ANKRD6: variants seen among roughly 807,000 people sequenced by gnomAD.
ANKRD6 encodes ankyrin repeat domain-containing protein 6.
Under a neutral mutation model 82.3 loss-of-function variants are expected in ANKRD6, and 56 were observed. That is an observed-to-expected ratio of 0.68 (90% CI 0.55 to 0.85). The LOEUF is 0.85. Among genes scored for constraint, ANKRD6 ranks in the 40% least tolerant of loss-of-function variants. ANKRD6 has a pLI of 0.00. For synonymous variants in ANKRD6, 347 were observed against 352.1 expected, an observed-to-expected ratio of 0.99 and a Z score of 0.16; for missense variants, 852 against 907.6, an observed-to-expected ratio of 0.94 and a Z score of 0.79.
At chr6:89,568,280 G>A (rs1399292142) in intron 2 of ANKRD6, 1 of 152,220 alleles carries the variant, frequency 6.6e-6, no homozygotes, top group Non-Finnish European at 1.5e-5. Context: ...AATTGTGCAA[G>A]TTGCTTAACT....
chr6:89,480,698 G>A (rs1343441594), intron 1 of ANKRD6, among the ~76,000 whole-genome samples: 1 of 151,040 alleles, frequency 6.6e-6, no homozygotes, highest in Non-Finnish European at 1.5e-5. Context: ...GGCACTTTGG[G>A]AGGCCAAGGC....
At chr6:89,528,456 C>T (rs992196854) in intron 1 of ANKRD6, among the ~76,000 whole-genome samples, 8 of 152,210 alleles carry the variant, frequency 5.3e-5, no homozygotes, top group African/African-American at 1.9e-4. Flanking sequence ...TCTTCAGGCT[C>T]CACTTCTAAT....
chr6:89,595,845 A>T (rs1795771775), intron 2 of ANKRD6, 71 bp from the exon 3 acceptor site: 2 of 1,265,084 alleles, frequency 1.6e-6, no homozygotes, highest in Non-Finnish European at 2.3e-6. Context: ...ACCTTGCTCT[A>T]GGCCCTCTGT....
chr6:89,456,800 A>T (rs1773561808), intron 1 of ANKRD6, among the ~76,000 whole-genome samples: 7 of 152,224 alleles, frequency 4.6e-5, no homozygotes, highest in Admixed American at 4.6e-4. Context: ...ATTGAAGATT[A>T]GCCTGGATTA....
At chr6:89,467,218 A>G (rs1002586727) in intron 1 of ANKRD6, among the ~76,000 whole-genome samples, 5 of 151,158 alleles carry the variant, frequency 3.3e-5, no homozygotes, top group African/African-American at 1.2e-4. Context: ...AACTTTGTTA[A>G]ATTAAGGTTG....
chr6:89,483,820 A>G (rs985174400), intron 1 of ANKRD6, among the ~76,000 whole-genome samples: 1 of 152,220 alleles, frequency 6.6e-6, no homozygotes, highest in African/African-American at 2.4e-5. Flanking sequence ...ACAAGGTTCA[A>G]AGGACTTTTT....
chr6:89,474,106 AAAAACAAAACAAAAC>A (rs61656053), intron 1 of ANKRD6, among the ~76,000 whole-genome samples: 47 of 150,450 alleles, frequency 3.1e-4, no homozygotes, highest in Non-Finnish European at 3.7e-4. Context: ...CCTGTCTCAA[AAAAACAAAACAAAAC>A]AAAACAAAAC....
intron 2 of ANKRD6, among the ~76,000 whole-genome samples, chr6:89,572,656 A>G (rs1167261799): frequency 1.3e-5 from 2 of 152,060 alleles, no homozygotes; most frequent in South Asian, 2.1e-4. Flanking sequence ...TTTGGATCTT[A>G]TATTTAGGTT....
intron 1 of ANKRD6, among the ~76,000 whole-genome samples, chr6:89,453,995 G>A (rs569156855): frequency 3.3e-5 from 5 of 152,018 alleles, no homozygotes; most frequent in Admixed American, 6.6e-5. Flanking sequence ...TAGAGACGGA[G>A]TTTCACCATT....
intron 1 of ANKRD6, among the ~76,000 whole-genome samples, chr6:89,455,126 G>A (rs995420114): frequency 1.3e-5 from 2 of 151,192 alleles, no homozygotes; most frequent in African/African-American, 4.9e-5. Flanking sequence ...TTACAGGTGT[G>A]AGCCACCACA....
At chr6:89,493,754 G>A (rs776454723) in intron 1 of ANKRD6, among the ~76,000 whole-genome samples, 1 of 151,902 alleles carries the variant, frequency 6.6e-6, no homozygotes, top group Non-Finnish European at 1.5e-5. Context: ...CTGCATTTAG[G>A]GCCCACTGTG....
At chr6:89,570,566 T>A (rs1789620694) in intron 2 of ANKRD6, among the ~76,000 whole-genome samples, 1 of 152,118 alleles carries the variant, frequency 6.6e-6, no homozygotes, top group South Asian at 2.1e-4. Flanking sequence ...CATTTCCTCC[T>A]CCCAGACCCT....
rs184359485 is a variant in ANKRD6, at chr6:89,469,350, C to T, written c.-144+35975C>T. On this transcript the variant is annotated intron_variant, in intron 1 of 15. Coordinates refer to ENST00000339746, the MANE Select transcript of ANKRD6 (RefSeq NM_001242809.2). ...TTTTTCATTGGGCTTTTCCTGCCTCCATGTCAAATCCTTTCAATTTGTAAG... is the reference window on the plus strand; with the variant it reads ...TTTTTCATTGGGCTTTTCCTGCCTCTATGTCAAATCCTTTCAATTTGTAAG... 5.9e-5 allele frequency among the ~76,000 whole-genome samples: 9 copies of T among 152,292 alleles called. 1 individual carries two copies. Among genetic ancestry groups the T allele is most frequent in the Admixed American group, 5.2e-4 (8 of 15,290 alleles).
At chr6:89,518,029 T>C (rs1266719477) in intron 1 of ANKRD6, among the ~76,000 whole-genome samples, 1 of 152,236 alleles carries the variant, frequency 6.6e-6, no homozygotes, top group Non-Finnish European at 1.5e-5. Flanking sequence ...GTACTGAAGA[T>C]ACTCTAAACA....
chr6:89,578,169 C>T (rs938114919), intron 2 of ANKRD6, among the ~76,000 whole-genome samples: 1 of 152,132 alleles, frequency 6.6e-6, no homozygotes, highest in Non-Finnish European at 1.5e-5. Flanking sequence ...AAGTCTACTT[C>T]TCTCCACAAA....
At chr6:89,579,118 C>T (rs890975548) in intron 2 of ANKRD6, among the ~76,000 whole-genome samples, 1 of 152,134 alleles carries the variant, frequency 6.6e-6, no homozygotes, top group African/African-American at 2.4e-5. Flanking sequence ...AAGGTACAAG[C>T]GTGGATGCAG....
At chr6:89,439,032 T>C (rs1056878442) in intron 1 of ANKRD6, among the ~76,000 whole-genome samples, 9 of 152,216 alleles carry the variant, frequency 5.9e-5, no homozygotes, top group Admixed American at 4.6e-4. Context: ...TAAAATGTTA[T>C]GTCTTCATAG....
Position 89,612,180 on chromosome 6 carries a change from C to T in ANKRD6, c.418-92C>T, listed in dbSNP as rs1213946846. The T allele has an allele frequency of 1.6e-5, 19 of 1,160,364 alleles. No homozygotes were observed. In the East Asian group the frequency reaches 2.7e-4, roughly 16 times the overall value. The allele number at this position is 1,160,364 out of a possible 1,614,324, so 71.9% of individuals were successfully genotyped here. The stretch of plus-strand genomic sequence containing the variant: ...GCAGAGAATGTGAGCGTTGCCTTTT[C>T]CCCCGAGTAAGTACTGCCCCTCTGC... On this transcript the variant is annotated intron_variant, in intron 5 of 15. Transcript: ENST00000339746.
chr6:89,474,500 C>T (rs901229201), intron 1 of ANKRD6, among the ~76,000 whole-genome samples: 20 of 152,188 alleles, frequency 1.3e-4, no homozygotes, highest in African/African-American at 4.8e-4. Context: ...TCACTGCAAG[C>T]TCCACCTCCT....
Sources: gnomAD v4.1 joint callset for allele counts (sites outside exome capture counted in the v4.1 genomes callset) on GRCh38, gnomAD v4.1.1 for gene constraint, MANE v1.5 for transcripts, NCBI Gene and HGNC (gene_info 2026-07-23, HGNC 2026-07-21) for gene names.